The following DIP2C variants were observed in gnomAD, a reference collection of about 807,000 sequenced individuals.
DIP2C encodes DIP2 acetate--CoA ligase C (putative).
DIP2C carries 33 observed loss-of-function variants against 192.4 expected under a neutral mutation model. The observed-to-expected ratio is 0.17, with a 90% CI of 0.13 to 0.23. The LOEUF (loss-of-function observed/expected upper bound fraction) is 0.23, where lower values mean the gene tolerates loss of function less well. Ranked by LOEUF, DIP2C falls within the 10% of genes least tolerant of loss-of-function variation. The pLI is 1.00. For missense variants in DIP2C, 1,537 were observed against 2,110.1 expected (o/e 0.73, Z 5.32); for synonymous variants, 979 against 864.1 (o/e 1.13, Z -2.33).
chr10:624,343 C>T (rs11253287), intron 1 of DIP2C, among the ~76,000 whole-genome samples: 4,630 of 152,232 alleles, frequency 0.03, 138 homozygotes, highest in African/African-American at 0.073. Context: ...CAGGTGGGAC[C>T]GTCTAGGGGA....
chr10:277,809 G>T (rs557521542), intron 36 of DIP2C, among the ~76,000 whole-genome samples: 1 of 151,012 alleles, frequency 6.6e-6, no homozygotes, highest in African/African-American at 2.4e-5. Flanking sequence ...TGGCTTCTGC[G>T]ACTGTTTCAC....
chr10:545,297 G>A (rs1321002035), intron 1 of DIP2C, among the ~76,000 whole-genome samples: 1 of 150,778 alleles, frequency 6.6e-6, no homozygotes, highest in Non-Finnish European at 1.5e-5. Flanking sequence ...CTCCTGGGCA[G>A]CTGGGACTAC....
At chr10:580,550 T>G (rs779116781) in intron 1 of DIP2C, among the ~76,000 whole-genome samples, 1 of 152,128 alleles carries the variant, frequency 6.6e-6, no homozygotes, top group Non-Finnish European at 1.5e-5. Context: ...TGCATGCCCA[T>G]AGCATGCACA....
At chr10:355,303 GGC>G (rs1959028825) in intron 24 of DIP2C, among the ~76,000 whole-genome samples, 1 of 152,232 alleles carries the variant, frequency 6.6e-6, no homozygotes, top group African/African-American at 2.4e-5. Context: ...GCGCTTCTCT[GGC>G]AGAGGAGGAG....
At chr10:483,549 C>CG (rs1401106931) in intron 2 of DIP2C, among the ~76,000 whole-genome samples, 1 of 152,204 alleles carries the variant, frequency 6.6e-6, no homozygotes, top group Non-Finnish European at 1.5e-5. Flanking sequence ...CTCAATCAGG[C>CG]GGCCCGGGCC....
At chr10:378,528 CAA>C (rs71505873) in intron 17 of DIP2C, among the ~76,000 whole-genome samples, 20,385 of 151,752 alleles carry the variant, frequency 0.13, 1,434 homozygotes, top group East Asian at 0.2. Flanking sequence ...CACACATGCA[CAA>C]AGACACATGT....
chr10:439,691 T>A (rs1322919757), intron 4 of DIP2C, among the ~76,000 whole-genome samples: 1 of 152,156 alleles, frequency 6.6e-6, no homozygotes, highest in Non-Finnish European at 1.5e-5. Context: ...TCAATCTCAG[T>A]ACCTTCATTA....
At chr10:571,849 C>G (rs1261171471) in intron 1 of DIP2C, among the ~76,000 whole-genome samples, 4 of 152,198 alleles carry the variant, frequency 2.6e-5, no homozygotes, top group African/African-American at 9.7e-5. Context: ...CAAACCAGAG[C>G]AAGGCCCAGG....
intron 1 of DIP2C, among the ~76,000 whole-genome samples, chr10:582,811 A>C (rs1047920446): frequency 1.3e-5 from 2 of 152,220 alleles, no homozygotes; most frequent in Non-Finnish European, 2.9e-5. Context: ...CTGTAATGAC[A>C]CAAAGGGGCT....
At chr10:396,661 G>A (rs1437204337) in intron 10 of DIP2C, among the ~76,000 whole-genome samples, 1 of 151,992 alleles carries the variant, frequency 6.6e-6, no homozygotes, top group African/African-American at 2.4e-5. Context: ...CCAGGACTGG[G>A]GTTAACTATA....
intron 3 of DIP2C, among the ~76,000 whole-genome samples, chr10:448,909 C>T (rs1483279088): frequency 2.0e-5 from 1 of 50,224 alleles, no homozygotes; most frequent in Non-Finnish European, 3.4e-5. Flanking sequence ...GGCAGAAGGA[C>T]CCACTCATCC....
intron 1 of DIP2C, among the ~76,000 whole-genome samples, chr10:577,646 G>C (rs74115067): frequency 0.083 from 12,683 of 152,200 alleles, 846 homozygotes; most frequent in African/African-American, 0.18. Context: ...ATAAAACAAA[G>C]CCCTGCCTTC....
At chr10:543,220 C>T (rs534227108) in intron 1 of DIP2C, among the ~76,000 whole-genome samples, 3 of 152,378 alleles carry the variant, frequency 2.0e-5, no homozygotes, top group East Asian at 3.9e-4. Flanking sequence ...TTTGCAAGGG[C>T]TGAACCATGC....
intron 1 of DIP2C, among the ~76,000 whole-genome samples, chr10:518,703 G>A (rs1325526900): frequency 6.6e-6 from 1 of 152,192 alleles, no homozygotes; most frequent in Admixed American, 6.5e-5. Context: ...CTGTTGTTTA[G>A]AGGCCAGTCA....
Position 370,166 on chromosome 10 carries a change from C to T in DIP2C, c.1992-533G>A, listed in dbSNP as rs993394098. 23 of 603,416 alleles carry T rather than the reference C, an allele frequency of 3.8e-5. No individual in the cohort carries two copies. The East Asian group carries it at 5.6e-4, about 15-fold the overall frequency. 37.4% of individuals were successfully genotyped at this position (603,416 alleles called of 1,614,324 possible). A position where few individuals can be genotyped will look rare whatever the true frequency, so the allele number is the denominator to read the frequency against. On this transcript the variant is annotated intron_variant, in intron 17 of 36. Transcript: ENST00000280886. ...TTATAAGAATCTAAAATAAGATTTA[C>T]GCTGTGCCATTGTGGCTGCCAAGTT...
intron 1 of DIP2C, among the ~76,000 whole-genome samples, chr10:506,691 C>G (rs1845613533): frequency 6.6e-6 from 1 of 152,234 alleles, no homozygotes; most frequent in Non-Finnish European, 1.5e-5. Context: ...CCCCAACACA[C>G]AGTGGCCTCC....
rs958453435 is a variant in DIP2C, at chr10:423,148, C to G, written c.395-115G>C. The stretch of plus-strand genomic sequence containing the variant: ...GTAAGTCTCAATAGTTGTTCAATGA[C>G]TTTTTGATACACTCTTGAGAAGTTA... On this transcript the variant is annotated intron_variant, in intron 4 of 36. Transcript: ENST00000280886. The G allele has an allele frequency of 3.2e-5, 31 of 966,624 alleles. No individual in the cohort carries two copies. The African/African-American group carries it at 3.7e-4, about 12-fold the overall frequency. The allele number at this position is 966,624 out of a possible 1,614,324, so 59.9% of individuals were successfully genotyped here.
intron 1 of DIP2C, among the ~76,000 whole-genome samples, chr10:515,980 T>A (rs886705320): frequency 6.6e-6 from 1 of 151,774 alleles, no homozygotes; most frequent in Non-Finnish European, 1.5e-5. Context: ...GCACTAAGAA[T>A]ATGTCTGTGC....
At chr10:429,780 C>T (rs1423601995) in intron 4 of DIP2C, among the ~76,000 whole-genome samples, 1 of 151,942 alleles carries the variant, frequency 6.6e-6, no homozygotes, top group Non-Finnish European at 1.5e-5. Context: ...TATACATTCA[C>T]CTACTGAGGG....
Sources: allele counts gnomAD v4.1 joint callset (sites outside exome capture counted in the v4.1 genomes callset), GRCh38; gene constraint gnomAD v4.1.1; transcripts MANE v1.5; gene names NCBI Gene and HGNC (gene_info 2026-07-23, HGNC 2026-07-21).